Variants in CDH20 observed in about 807,000 individuals in gnomAD.
The protein encoded by CDH20 is cadherin-20.
A neutral mutation model predicts 74.2 loss-of-function variants in CDH20; 29 were observed. The ratio of observed to expected loss-of-function variants is 0.39; its 90% CI spans 0.29 to 0.53. The LOEUF (loss-of-function observed/expected upper bound fraction) is 0.53. CDH20 is among the 20% of genes least tolerant of loss of function. The pLI is 0.69. For synonymous variants in CDH20, 469 were observed against 405.4 expected, an observed-to-expected ratio of 1.16 and a Z score of -1.88; for missense variants, 988 against 1,048.3, an observed-to-expected ratio of 0.94 and a Z score of 0.79.
At position 61,465,368 on chromosome 18, in the gene CDH20, T is replaced by C. The variant is rs148519007; in HGVS notation, c.-152-25034T>C. 3.8e-3 allele frequency among the ~76,000 whole-genome samples: 582 copies of C among 152,328 alleles called. 3 individuals are homozygous for C. The highest frequency in any genetic ancestry group is 0.012 in the African/African-American group (494 of 41,574). On this transcript the variant is annotated intron_variant, in intron 1 of 11. Coordinates refer to ENST00000262717, the MANE Select transcript of CDH20 (RefSeq NM_031891.4). ...TTGGATCTGATAGTTACAATTGTCA[T>C]TTTTTACAAAGAATGGCATGTTGGC...
In CDH20 at chr18:61,538,895, G is replaced by A. The variant is rs533369193; in HGVS notation, c.1409-129G>A. The A allele has an allele frequency of 1.6e-4, 153 of 970,802 alleles. 3 individuals carry two copies. In the South Asian group the frequency reaches 2.3e-3, roughly 15 times the overall value. 60.1% of individuals were successfully genotyped at this position (970,802 alleles called of 1,614,324 possible). ...GATCCTCCCGCCTCGGCCTCCCAAA[G>A]TGCTGGGATTACAGGCGTGAGCCAC... is the stretch of plus-strand genomic sequence containing the variant. On this transcript the variant is annotated intron_variant, in intron 8 of 11. Transcript: ENST00000262717.
chr18:61,342,901 T>C (rs1186071427), intron 1 of CDH20, among the ~76,000 whole-genome samples: 2 of 152,154 alleles, frequency 1.3e-5, no homozygotes, highest in Admixed American at 1.3e-4. Context: ...ATGCCTTCAT[T>C]AAGATCAGGT....
intron 1 of CDH20, among the ~76,000 whole-genome samples, chr18:61,476,949 G>T (rs1385069444): frequency 6.6e-6 from 1 of 152,142 alleles, no homozygotes; most frequent in South Asian, 2.1e-4. Flanking sequence ...ACTGAACTTT[G>T]TGGGGGCACA....
intron 1 of CDH20, among the ~76,000 whole-genome samples, chr18:61,462,734 G>GC (rs796508624): frequency 0.019 from 2,685 of 138,568 alleles, 98 homozygotes; most frequent in African/African-American, 0.062. Context: ...AGGGGGGGGG[G>GC]GCATCTAGGG....
intron 1 of CDH20, among the ~76,000 whole-genome samples, chr18:61,406,477 T>C (rs1912333799): frequency 6.6e-6 from 1 of 152,194 alleles, no homozygotes; most frequent in Non-Finnish European, 1.5e-5. Context: ...CTGGACAGAT[T>C]GGAGGGGAGT....
At chr18:61,453,598 T>C (rs1004837897) in intron 1 of CDH20, among the ~76,000 whole-genome samples, 3 of 152,216 alleles carry the variant, frequency 2.0e-5, no homozygotes, top group Non-Finnish European at 4.4e-5. Flanking sequence ...TTTTCATATT[T>C]GCTTTTTCAC....
chr18:61,402,663 C>A (rs181161110), intron 1 of CDH20, among the ~76,000 whole-genome samples: 1 of 152,042 alleles, frequency 6.6e-6, no homozygotes, highest in African/African-American at 2.4e-5. Flanking sequence ...GAGAAGAGTA[C>A]CATTAGGGTA....
At chr18:61,479,391 T>C (rs910902520) in intron 1 of CDH20, among the ~76,000 whole-genome samples, 1 of 152,212 alleles carries the variant, frequency 6.6e-6, no homozygotes, top group Non-Finnish European at 1.5e-5. Flanking sequence ...CTATTCTAGA[T>C]ATTAGCAGTT....
intron 1 of CDH20, among the ~76,000 whole-genome samples, chr18:61,432,761 C>T (rs1913299796): frequency 6.6e-6 from 1 of 152,140 alleles, no homozygotes; most frequent in Admixed American, 6.5e-5. Context: ...CCTGTTCTTC[C>T]TCTCCCTTCC....
At chr18:61,530,275 G>A (rs1324790387) in intron 7 of CDH20, among the ~76,000 whole-genome samples, 2 of 152,170 alleles carry the variant, frequency 1.3e-5, no homozygotes, top group Admixed American at 6.5e-5. Context: ...AGAGGGAAAA[G>A]CACTTAAAAC....
chr18:61,499,322 C>T lies in CDH20; in HGVS notation c.383C>T (p.Ala128Val), dbSNP rs1911278642. The T allele has an allele frequency of 6.2e-7, 1 of 1,613,988 alleles. No individual in the cohort carries two copies. Among genetic ancestry groups the T allele is most frequent in the Non-Finnish European group, 8.5e-7 (1 of 1,179,942 alleles). The change falls in exon 3 of 12, where the codon GCC (alanine) becomes GTC (valine). Residue 128 changes from alanine (A) to valine (V), a missense_variant. Ala to Val is a moderately conservative substitution (Grantham distance 64). This residue lies in a region of CDH20 where 613 missense variants were observed against 755.2 expected (regional missense o/e 0.81). Transcript: ENST00000262717. ...CAGAGGCTCGACCGAGAGGAAAGAG[C>T]CCAGTATACTCTAAGGGCTCAAGCC... Reference protein sequence around the residue: ...AIQRLDREERAQYTLRAQALD... With the variant: ...AIQRLDREERVQYTLRAQALD...
chr18:61,425,250 A>G (rs1306226075), intron 1 of CDH20, among the ~76,000 whole-genome samples: 1 of 152,038 alleles, frequency 6.6e-6, no homozygotes, highest in African/African-American at 2.4e-5. Flanking sequence ...AGTTTCCCCA[A>G]CCCTCGTGTT....
chr18:61,521,093 T>C (rs1912189359), intron 6 of CDH20, among the ~76,000 whole-genome samples: 1 of 150,364 alleles, frequency 6.7e-6, no homozygotes, highest in African/African-American at 2.5e-5. Flanking sequence ...CTGAAGGAGA[T>C]AGAGACACAA....
chr18:61,538,578 C>CTTTGGTTTT (rs1555684264), intron 8 of CDH20, among the ~76,000 whole-genome samples: 1 of 34,994 alleles, frequency 2.9e-5, no homozygotes. Flanking sequence ...TAAATAACTA[C>CTTTGGTTTT]TTTTTGTTTG....
chr18:61,378,691 G>A (rs975384541), intron 1 of CDH20, among the ~76,000 whole-genome samples: 1 of 152,178 alleles, frequency 6.6e-6, no homozygotes, highest in Non-Finnish European at 1.5e-5. Context: ...CATTACGACT[G>A]GTGACTATTC....
chr18:61,448,961 C>T (rs9955534), intron 1 of CDH20, among the ~76,000 whole-genome samples: 9 of 152,280 alleles, frequency 5.9e-5, no homozygotes, highest in African/African-American at 2.2e-4. Context: ...TCCTATGCTA[C>T]CTTCCCTTGC....
At chr18:61,515,783 T>C (rs1911979105) in intron 6 of CDH20, among the ~76,000 whole-genome samples, 1 of 98,888 alleles carries the variant, frequency 1.0e-5, no homozygotes, top group African/African-American at 4.1e-5. Flanking sequence ...TGTTGTGGGG[T>C]CGGGGGAGGG....
chr18:61,490,661 C>T lies in CDH20; in HGVS notation c.108C>T (p.Thr36=), dbSNP rs1458868007. The T allele has an allele frequency of 6.2e-7, 1 of 1,614,078 alleles. No homozygotes were observed. The highest frequency in any genetic ancestry group is 1.3e-5 in the African/African-American group (1 of 75,032). The change falls in exon 2 of 12, where the codon ACC becomes ACT. Residue 36 remains threonine, a synonymous_variant. Coordinates refer to ENST00000262717, the MANE Select transcript of CDH20 (RefSeq NM_031891.4). Reference sequence around the variant, plus strand: ...TTACGACCACCGTTCTCTCGGACACCCCAACACCACAAGGTGAATTAGAAG... The same window carrying T: ...TTACGACCACCGTTCTCTCGGACACTCCAACACCACAAGGTGAATTAGAAG... The part of the protein sequence containing the change: ...MDLTTTVLSD[T]PTPQGELEAL...
intron 1 of CDH20, among the ~76,000 whole-genome samples, chr18:61,394,464 AT>A (rs913419495): frequency 1.9e-4 from 29 of 152,138 alleles, no homozygotes; most frequent in African/African-American, 6.3e-4. Flanking sequence ...TCATGCGAGG[AT>A]GAAGGCAATG....
Sources: allele counts gnomAD v4.1 joint callset (sites outside exome capture counted in the v4.1 genomes callset), GRCh38; gene constraint gnomAD v4.1.1; regional missense constraint gnomAD v4.1.1; transcripts MANE v1.5; gene names NCBI Gene and HGNC (gene_info 2026-07-23, HGNC 2026-07-21).